Variants in ANAPC10 observed in about 807,000 individuals in gnomAD.
ANAPC10 encodes anaphase promoting complex subunit 10, also known as anaphase-promoting complex subunit 10.
A neutral mutation model predicts 22.0 loss-of-function variants in ANAPC10; 12 were observed. The observed-to-expected ratio is 0.55, with a 90% CI of 0.35 to 0.88. ANAPC10 has a LOEUF of 0.88. ANAPC10 is among the 40% of genes least tolerant of loss of function. ANAPC10 has a pLI of 0.01. For synonymous variants in ANAPC10, 65 were observed against 69.5 expected (o/e 0.94, Z 0.32); for missense variants, 188 against 220.9 (o/e 0.85, Z 0.94).
Position 145,095,975 on chromosome 4 carries a change from TA to T in ANAPC10, c.115+9del. The T allele has an allele frequency of 6.2e-7, 1 of 1,614,108 alleles. No individual in the cohort carries two copies. ...TATTTCCAACAGCTTTTTTGTTTGT[TA>T]GTTTTTACCTGGTTTGCAAGATGAG... On this transcript the variant is annotated intron_variant, in intron 2 of 4. Coordinates refer to ENST00000507656, the MANE Select transcript of ANAPC10 (RefSeq NM_001256706.2).
intron 2 of ANAPC10, among the ~76,000 whole-genome samples, chr4:145,089,846 T>C (rs987837481): frequency 2.0e-5 from 3 of 152,170 alleles, no homozygotes; most frequent in Admixed American, 2.0e-4. Flanking sequence ...TTATTTCTAA[T>C]CTTGCCTCAC....
In ANAPC10 at chr4:145,098,111, C is replaced by T. The variant is rs1173736181; in HGVS notation, c.-13+9G>A. 1 of 152,686 alleles carries T rather than the reference C, an allele frequency of 6.5e-6. No individual in the cohort carries two copies. Among genetic ancestry groups the T allele is most frequent in the Non-Finnish European group, 1.5e-5 (1 of 68,368 alleles). 9.5% of individuals were successfully genotyped at this position (152,686 alleles called of 1,614,324 possible). On this transcript the variant is annotated intron_variant, in intron 1 of 4. Transcript: ENST00000507656. The stretch of plus-strand genomic sequence containing the variant: ...ACGCTCGACGTCGGAGAAAAGCCCA[C>T]ACACTCACAGTTTCCAGACCTGGCT...
At chr4:145,063,819 C>G (rs1044355545) in intron 4 of ANAPC10, among the ~76,000 whole-genome samples, 3 of 152,014 alleles carry the variant, frequency 2.0e-5, no homozygotes, top group Admixed American at 2.0e-4. Flanking sequence ...ACTACGTGGA[C>G]AAATCTCAAA....
At chr4:145,068,158 G>T (rs1295619360) in intron 3 of ANAPC10, among the ~76,000 whole-genome samples, 1 of 152,194 alleles carries the variant, frequency 6.6e-6, no homozygotes, top group Non-Finnish European at 1.5e-5. Context: ...CGAAGAGGTA[G>T]AAGAAATAAA....
chr4:145,015,857 GA>G (rs1432367198), intron 4 of ANAPC10, among the ~76,000 whole-genome samples: 2 of 151,964 alleles, frequency 1.3e-5, no homozygotes, highest in Non-Finnish European at 2.9e-5. Context: ...ATGAAGGAAA[GA>G]TACAGTGTTT....
intron 4 of ANAPC10, among the ~76,000 whole-genome samples, chr4:145,018,124 A>ATAT (rs375095644): frequency 1.2e-3 from 172 of 147,956 alleles, no homozygotes; most frequent in African/African-American, 3.1e-3. Flanking sequence ...TAATAAAAAA[A>ATAT]ATATATATAT....
At chr4:145,097,566 A>G in intron 1 of ANAPC10, 2 of 1,284,394 alleles carry the variant, frequency 1.6e-6, no homozygotes, top group African/African-American at 3.0e-5. Flanking sequence ...ATACTTACTA[A>G]ATAACGGCAG....
At chr4:145,092,897 A>C (rs1747902550) in intron 2 of ANAPC10, among the ~76,000 whole-genome samples, 1 of 152,216 alleles carries the variant, frequency 6.6e-6, no homozygotes, top group African/African-American at 2.4e-5. Flanking sequence ...TACCTGAGAG[A>C]GGGGCAAACA....
chr4:145,026,539 T>C (rs2127019609), intron 4 of ANAPC10, among the ~76,000 whole-genome samples: 1 of 149,978 alleles, frequency 6.7e-6, no homozygotes, highest in East Asian at 2.0e-4. Flanking sequence ...TGGAAGGAGG[T>C]GAGGCTTCCA....
intron 4 of ANAPC10, among the ~76,000 whole-genome samples, chr4:145,023,898 G>A (rs753911631): frequency 1.3e-5 from 2 of 152,182 alleles, no homozygotes; most frequent in Non-Finnish European, 2.9e-5. Context: ...AGCATGCAAT[G>A]CTGTTTAGTA....
At chr4:145,066,424 A>C (rs1325484189) in intron 3 of ANAPC10, among the ~76,000 whole-genome samples, 1 of 152,148 alleles carries the variant, frequency 6.6e-6, no homozygotes, top group Non-Finnish European at 1.5e-5. Flanking sequence ...ATAAGCAGGA[A>C]GTAAATGGTC....
intron 2 of ANAPC10, among the ~76,000 whole-genome samples, chr4:145,095,742 G>A (rs982454500): frequency 2.6e-5 from 4 of 152,022 alleles, no homozygotes; most frequent in Admixed American, 6.6e-5. Flanking sequence ...TGTTATAATT[G>A]TTCTATTTTA....
chr4:145,097,163 C>CT (rs1560949053), intron 1 of ANAPC10: 1 of 257,894 alleles, frequency 3.9e-6, no homozygotes, highest in South Asian at 3.7e-5. Context: ...GATCGTGCTA[C>CT]TGCACTCCAG....
At chr4:145,068,733 A>T (rs1417108635) in intron 3 of ANAPC10, among the ~76,000 whole-genome samples, 1 of 152,136 alleles carries the variant, frequency 6.6e-6, no homozygotes, top group Non-Finnish European at 1.5e-5. Flanking sequence ...AACATGGTGA[A>T]ATCCCGTCTC....
rs1291181175 is a variant in ANAPC10 at position 145,007,228 on chromosome 4, CT to C, written c.328-11626del. ...ACCCCACTGTCAATATTAGACACAT[CT>C]ACGAGACAGAAGGTTGACAAGGATA... On this transcript the variant is annotated intron_variant, in intron 4 of 4. Coordinates refer to ENST00000507656, the MANE Select transcript of ANAPC10 (RefSeq NM_001256706.2). Among the ~76,000 whole-genome samples the C allele has an allele frequency of 1.3e-4, 20 of 152,190 alleles. No homozygotes were observed. The South Asian group carries it at 2.1e-3, about 16-fold the overall frequency.
At chr4:145,078,585 G>C (rs1177203338) in intron 3 of ANAPC10, among the ~76,000 whole-genome samples, 7 of 152,042 alleles carry the variant, frequency 4.6e-5, no homozygotes, top group Non-Finnish European at 7.4e-5. Flanking sequence ...TAAGCAAAAA[G>C]AACAAAGCTG....
chr4:145,068,575 T>G (rs1313898441), intron 3 of ANAPC10, among the ~76,000 whole-genome samples: 1 of 152,170 alleles, frequency 6.6e-6, no homozygotes, highest in Non-Finnish European at 1.5e-5. Context: ...AAGCAAATAT[T>G]TATAAATAAC....
chr4:145,064,724 T>C, intron 3 of ANAPC10, 32 bp from the exon 4 acceptor site: 1 of 1,469,792 alleles, frequency 6.8e-7, no homozygotes, highest in Non-Finnish European at 9.1e-7. Context: ...TAACATGCAC[T>C]TCATCATATG....
intron 4 of ANAPC10, among the ~76,000 whole-genome samples, chr4:145,001,566 G>T (rs955092724): frequency 2.0e-5 from 3 of 152,136 alleles, no homozygotes; most frequent in Admixed American, 6.5e-5. Context: ...AAATACTATT[G>T]TACTAACATT....
Sources: gnomAD v4.1 joint callset for allele counts (sites outside exome capture counted in the v4.1 genomes callset) on GRCh38, gnomAD v4.1.1 for gene constraint, MANE v1.5 for transcripts, NCBI Gene and HGNC (gene_info 2026-07-23, HGNC 2026-07-21) for gene names.